Variants in DMD observed in about 807,000 individuals in gnomAD.
DMD encodes mutant dystrophin.
A neutral mutation model predicts 330.1 loss-of-function variants in DMD; 63 were observed. The ratio of observed to expected loss-of-function variants is 0.19; its 90% confidence interval spans 0.16 to 0.24. The LOEUF (loss-of-function observed/expected upper bound fraction) is 0.24. DMD is among the 10% of genes least tolerant of loss of function. DMD has a pLI of 1.00. For missense variants in DMD, 3,344 were observed against 2,684.1 expected, an observed-to-expected ratio of 1.25 and a Z score of -5.43; for synonymous variants, 1,223 against 959.8, an observed-to-expected ratio of 1.27 and a Z score of -5.07.
In DMD at chrX:32,375,854, C is replaced by G. The variant is rs773296930; in HGVS notation, c.4845+4656G>C. 8.0e-5 allele frequency among the ~76,000 whole-genome samples: 9 copies of G among 111,880 alleles called. 1 individual carries two copies. In the South Asian group the frequency reaches 2.2e-3, roughly 28 times the overall value. On this transcript the variant is annotated intron_variant, in intron 34 of 78. Coordinates refer to ENST00000357033, the MANE Select transcript of DMD (RefSeq NM_004006.3). ...TTCTCAAGAAGCTTGATTTTTATAA[C>G]ATCTCTTTCATCGTTTTAGGCAACC...
chrX:31,794,028 T>C (rs2091702241), intron 50 of DMD, among the ~76,000 whole-genome samples: 3 of 111,420 alleles, frequency 2.7e-5, no homozygotes, highest in South Asian at 7.5e-4. Context: ...CATACAAGTT[T>C]TCCCGACAAT....
At chrX:31,803,093 T>C (rs1423288206) in intron 50 of DMD, among the ~76,000 whole-genome samples, 1 of 112,348 alleles carries the variant, frequency 8.9e-6, no homozygotes, top group Non-Finnish European at 1.9e-5. Context: ...GTTAAAAATA[T>C]ATCCATGGGC....
At chrX:32,783,690 T>C (rs2075095528) in intron 7 of DMD, among the ~76,000 whole-genome samples, 1 of 110,744 alleles carries the variant, frequency 9.0e-6, no homozygotes, top group African/African-American at 3.3e-5. Flanking sequence ...ATAAGTAATC[T>C]AGAGATAATT....
intron 2 of DMD, among the ~76,000 whole-genome samples, chrX:32,921,744 G>A (rs1447008515): frequency 9.0e-6 from 1 of 111,263 alleles, no homozygotes; most frequent in African/African-American, 3.3e-5. Context: ...GGTAATTGGA[G>A]CTTTAAGAGC....
chrX:31,989,386 TG>T (rs1187501311), intron 44 of DMD, among the ~76,000 whole-genome samples: 1 of 112,421 alleles, frequency 8.9e-6, no homozygotes, highest in African/African-American at 3.2e-5. Flanking sequence ...TAGCCTGATG[TG>T]TTTTTTCCTT....
intron 7 of DMD, among the ~76,000 whole-genome samples, chrX:32,708,006 A>G (rs1414210344): frequency 1.8e-5 from 2 of 112,151 alleles, no homozygotes; most frequent in East Asian, 5.6e-4. Flanking sequence ...TGCTAGAAAA[A>G]GTATAGTCAG....
intron 23 of DMD, among the ~76,000 whole-genome samples, chrX:32,465,582 GT>G (rs1191063866): frequency 7.4e-3 from 563 of 76,573 alleles, no homozygotes; most frequent in Middle Eastern, 0.016. Context: ...TTTGTTTTTT[GT>G]TTTTTTTTTT....
chrX:32,412,812 A>T (rs2098148865), intron 29 of DMD, among the ~76,000 whole-genome samples: 1 of 111,358 alleles, frequency 9.0e-6, no homozygotes, highest in South Asian at 3.7e-4. Flanking sequence ...CCCACAGAGC[A>T]TGACTGAGGT....
intron 47 of DMD, among the ~76,000 whole-genome samples, chrX:31,886,086 A>G (rs962143259): frequency 5.4e-5 from 6 of 111,167 alleles, no homozygotes; most frequent in Admixed American, 4.8e-4. Context: ...CAATTCCAAT[A>G]AGTAATAATT....
intron 44 of DMD, among the ~76,000 whole-genome samples, chrX:32,029,950 C>T (rs1392824047): frequency 9.0e-6 from 1 of 111,422 alleles, no homozygotes; most frequent in African/African-American, 3.3e-5. Flanking sequence ...ACATGCTTAG[C>T]AACCAGATCC....
chrX:33,179,602 G>A (rs2049860894), intron 1 of DMD, among the ~76,000 whole-genome samples: 1 of 108,007 alleles, frequency 9.3e-6, no homozygotes, highest in Non-Finnish European at 1.9e-5. Context: ...CCTGAGGCAG[G>A]AGAATGGCGT....
intron 62 of DMD, among the ~76,000 whole-genome samples, chrX:31,276,709 C>A (rs1170339634): frequency 2.7e-5 from 3 of 111,975 alleles, no homozygotes; most frequent in Non-Finnish European, 5.6e-5. Flanking sequence ...TAATATACTG[C>A]AGGATATTGA....
chrX:32,226,790 T>C (rs1328997143), intron 43 of DMD, among the ~76,000 whole-genome samples: 1 of 111,221 alleles, frequency 9.0e-6, no homozygotes, highest in Non-Finnish European at 1.9e-5. Context: ...CAATAAAATT[T>C]AGTATTATCG....
intron 7 of DMD, among the ~76,000 whole-genome samples, chrX:32,703,979 T>G (rs112065013): frequency 4.5e-5 from 5 of 111,473 alleles, no homozygotes; most frequent in African/African-American, 1.6e-4. Flanking sequence ...ATTTTAATAA[T>G]TGCTTATCCA....
intron 55 of DMD, among the ~76,000 whole-genome samples, chrX:31,521,248 C>T (rs1390651676): frequency 2.8e-5 from 3 of 105,746 alleles, no homozygotes; most frequent in Non-Finnish European, 3.9e-5. Context: ...AACCTCTGTC[C>T]CCCTCCTGGG....
intron 63 of DMD, among the ~76,000 whole-genome samples, chrX:31,225,449 C>T (rs144012006): frequency 0.031 from 3,469 of 112,286 alleles, 143 homozygotes; most frequent in African/African-American, 0.11. Flanking sequence ...TTTAGAAACA[C>T]TCCCTGCCTT....
At chrX:32,706,389 A>T (rs1422737424) in intron 7 of DMD, among the ~76,000 whole-genome samples, 8 of 110,154 alleles carry the variant, frequency 7.3e-5, no homozygotes, top group Non-Finnish European at 1.1e-4. Flanking sequence ...ATAATAATAA[A>T]AAAAAAATGT....
rs766890056 is a variant in DMD, at chrX:32,438,275, G to T, written c.4037C>A (p.Thr1346Lys). Residue 1346 changes from threonine to lysine, a missense_variant, in exon 29 of 79, where the codon ACA becomes AAA. Thr to Lys is a moderately conservative substitution (Grantham distance 78). Coordinates refer to ENST00000357033, the MANE Select transcript of DMD (RefSeq NM_004006.3). ...TAGTTCCCTCCAACGAGAATTAAAT[G>T]TCTCAAGTTCCTCATTGATTAGCTC... The part of the protein sequence containing the change: ...MDELINEELE[T>K]FNSRWRELHE... 8.3e-7 allele frequency: 1 copy of T among 1,211,218 alleles called. No homozygotes were observed. The highest frequency in any genetic ancestry group is 1.7e-5 in the African/African-American group (1 of 57,746).
At chrX:32,359,579 C>A (rs746595271) in intron 37 of DMD, among the ~76,000 whole-genome samples, 1 of 111,491 alleles carries the variant, frequency 9.0e-6, no homozygotes, top group African/African-American at 3.3e-5. Context: ...TCAAAGGCTA[C>A]CCCCTAAAAC....
Sources: gnomAD v4.1 joint callset for allele counts (sites outside exome capture counted in the v4.1 genomes callset) on GRCh38, gnomAD v4.1.1 for gene constraint, MANE v1.5 for transcripts, NCBI Gene and HGNC (gene_info 2026-07-23, HGNC 2026-07-21) for gene names.